The following OSBPL10 variants were observed in gnomAD, a reference collection of about 807,000 sequenced individuals.
The protein encoded by OSBPL10 is oxysterol binding protein like 10.
A neutral mutation model predicts 81.7 loss-of-function variants in OSBPL10; 49 were observed. That is an observed-to-expected ratio of 0.60 (90% confidence interval 0.48 to 0.76). The LOEUF is 0.76. Ranked by LOEUF, OSBPL10 falls within the 30% of genes least tolerant of loss-of-function variation. The pLI is 0.00. For missense variants in OSBPL10, 923 were observed against 987.8 expected, an observed-to-expected ratio of 0.93 and a Z score of 0.88; for synonymous variants, 419 against 383.6, an observed-to-expected ratio of 1.09 and a Z score of -1.08.
At chr3:31,916,964 C>A (rs182700597) in intron 1 of OSBPL10, among the ~76,000 whole-genome samples, 1 of 152,272 alleles carries the variant, frequency 6.6e-6, no homozygotes, top group Admixed American at 6.5e-5. Context: ...CTCTTTTGTT[C>A]TAATATTTAG....
chr3:31,680,145 G>A (rs1411011254), intron 8 of OSBPL10, among the ~76,000 whole-genome samples: 1 of 152,134 alleles, frequency 6.6e-6, no homozygotes, highest in Non-Finnish European at 1.5e-5. Flanking sequence ...AAAAGAGGCC[G>A]GTGAGGAAAT....
chr3:31,980,776 C>G, intron 1 of OSBPL10, 123 bp downstream of exon 1: 12 of 1,249,976 alleles, frequency 9.6e-6, no homozygotes, highest in Non-Finnish European at 1.2e-5. Context: ...GGAGGCATCA[C>G]TGGGTTCGCT....
intron 1 of OSBPL10, among the ~76,000 whole-genome samples, chr3:31,896,607 C>T (rs1696065638): frequency 6.6e-6 from 1 of 152,212 alleles, no homozygotes; most frequent in South Asian, 2.1e-4. Flanking sequence ...GGCCACAGAG[C>T]AGAGGCAGAT....
intron 4 of OSBPL10, among the ~76,000 whole-genome samples, chr3:31,828,315 GAAATAA>G: frequency 6.6e-6 from 1 of 152,090 alleles, no homozygotes. Flanking sequence ...AGTGGTGGGG[GAAATAA>G]AAACAGATAA....
At chr3:32,039,358 A>AT (rs1181814133) in intron 2 of OSBPL10, among the ~76,000 whole-genome samples, 6 of 73,228 alleles carry the variant, frequency 8.2e-5, no homozygotes, top group African/African-American at 1.8e-4. Context: ...TAATTAGTTA[A>AT]TTAAAAAAAA....
At chr3:31,970,735 C>T (rs185778055) in intron 1 of OSBPL10, among the ~76,000 whole-genome samples, 2 of 152,360 alleles carry the variant, frequency 1.3e-5, no homozygotes, top group East Asian at 1.9e-4. Flanking sequence ...CAGCGTTCCC[C>T]TTGTGGTAAC....
chr3:31,868,353 T>TG (rs1438584682), intron 3 of OSBPL10, among the ~76,000 whole-genome samples: 1 of 152,140 alleles, frequency 6.6e-6, no homozygotes, highest in Non-Finnish European at 1.5e-5. Flanking sequence ...GCAGTGAGGA[T>TG]GGGGAATGCC....
chr3:31,878,261 T>C (rs549759296), intron 2 of OSBPL10, among the ~76,000 whole-genome samples: 15 of 152,358 alleles, frequency 9.8e-5, no homozygotes, highest in African/African-American at 2.9e-4. Context: ...TTCTTTTGTA[T>C]GGGTTTGTAT....
intron 4 of OSBPL10, among the ~76,000 whole-genome samples, chr3:31,823,648 T>G (rs1372761570): frequency 6.6e-6 from 1 of 152,188 alleles, no homozygotes; most frequent in Non-Finnish European, 1.5e-5. Context: ...AAATACTTTA[T>G]TTAACTGAAT....
intron 2 of OSBPL10, among the ~76,000 whole-genome samples, chr3:32,015,432 T>G (rs576766934): frequency 6.6e-6 from 1 of 152,194 alleles, no homozygotes; most frequent in African/African-American, 2.4e-5. Context: ...TTACACCTTA[T>G]ACAAAAATTA....
chr3:31,977,897 G>A (rs1249284732), intron 1 of OSBPL10, among the ~76,000 whole-genome samples: 1 of 152,150 alleles, frequency 6.6e-6, no homozygotes, highest in African/African-American at 2.4e-5. Flanking sequence ...GTGAGTGTGA[G>A]CCAAATGTCC....
intron 1 of OSBPL10, among the ~76,000 whole-genome samples, chr3:31,942,223 C>T (rs982325764): frequency 1.6e-4 from 24 of 151,732 alleles, no homozygotes; most frequent in African/African-American, 5.3e-4. Context: ...TGCAGTGAGC[C>T]GAGATGGCGC....
rs1701474276 is a variant in OSBPL10, at chr3:31,876,462, C to CA, written c.507dup (p.Ala170CysfsTer10). ...GAATTCATTTCCATGTGGTATTTGG[C>CA]ACAAGCTCGAAGCTGAGTCACCCAG... is the stretch of plus-strand genomic sequence containing the variant. On this transcript the variant is annotated frameshift_variant, in exon 3 of 12. Transcript: ENST00000396556. LOFTEE classifies it high-confidence loss of function. 6.2e-7 allele frequency: 1 copy of CA among 1,613,686 alleles called. No homozygotes were observed. Among genetic ancestry groups the CA allele is most frequent in the African/African-American group, 1.3e-5 (1 of 75,046 alleles).
chr3:32,029,263 C>T (rs1699445212), intron 2 of OSBPL10, among the ~76,000 whole-genome samples: 1 of 152,114 alleles, frequency 6.6e-6, no homozygotes, highest in African/African-American at 2.4e-5. Flanking sequence ...AGGCCCTCTT[C>T]CAAGTGTACT....
At chr3:31,923,588 G>A (rs1008988363) in intron 1 of OSBPL10, among the ~76,000 whole-genome samples, 13 of 152,200 alleles carry the variant, frequency 8.5e-5, no homozygotes, top group South Asian at 6.2e-4. Flanking sequence ...CCAAAAGTTC[G>A]AGACCAGACT....
At chr3:31,663,094 C>T in intron 11 of OSBPL10, 1 of 985,392 alleles carries the variant, frequency 1.0e-6, no homozygotes, top group Non-Finnish European at 1.2e-6. Context: ...ACTATGTTGC[C>T]CTAACTCACT....
intron 6 of OSBPL10, among the ~76,000 whole-genome samples, chr3:31,716,133 C>A (rs571562358): frequency 1.6e-4 from 24 of 152,264 alleles, no homozygotes; most frequent in African/African-American, 5.8e-4. Flanking sequence ...TAGGGCCCCC[C>A]TCCAGACCTA....
At position 31,879,683 on chromosome 3, in the gene OSBPL10, A is replaced by T; in HGVS notation, c.429T>A (p.Ser143=). The part of the protein sequence containing the change: ...DEAPHMLVVY[S]ANGEMFKLRA... ...TCAGTTTAAACATCTCTCCATTAGC[A>T]GAGTACACCACCAGCATGTGGGGAG... Residue 143 remains serine, a synonymous_variant, in exon 2 of 12, where the codon TCT becomes TCA. Coordinates refer to ENST00000396556, the MANE Select transcript of OSBPL10 (RefSeq NM_017784.5). 6.2e-7 allele frequency: 1 copy of T among 1,613,918 alleles called. No homozygotes were observed. Among genetic ancestry groups the T allele is most frequent in the East Asian group, 2.2e-5 (1 of 44,888 alleles).
chr3:31,933,975 T>C (rs1186528248), intron 1 of OSBPL10, among the ~76,000 whole-genome samples: 3 of 151,496 alleles, frequency 2.0e-5, no homozygotes, highest in Non-Finnish European at 4.4e-5. Context: ...TCTGATAGTA[T>C]GACGAAAATA....
Sources: allele counts gnomAD v4.1 joint callset (sites outside exome capture counted in the v4.1 genomes callset), GRCh38; gene constraint gnomAD v4.1.1; transcripts MANE v1.5; gene names NCBI Gene and HGNC (gene_info 2026-07-23, HGNC 2026-07-21).